The following ZNF423 variants were observed in gnomAD, a reference collection of about 807,000 sequenced individuals.
The protein encoded by ZNF423 is zinc finger protein 423.
ZNF423 carries 12 observed loss-of-function variants against 95.8 expected under a neutral mutation model. The ratio of observed to expected loss-of-function variants is 0.13; its 90% CI spans 0.08 to 0.20. The LOEUF (loss-of-function observed/expected upper bound fraction) is 0.20. ZNF423 is among the 10% of genes least tolerant of loss of function. ZNF423 has a pLI of 1.00. For missense variants in ZNF423, 1,316 were observed against 1,737.1 expected, an observed-to-expected ratio of 0.76 and a Z score of 4.31; for synonymous variants, 749 against 711.9, an observed-to-expected ratio of 1.05 and a Z score of -0.83.
chr16:49,518,470 G>A (rs751048823), intron 7 of ZNF423: 59 of 434,268 alleles, frequency 1.4e-4, no homozygotes, highest in Non-Finnish European at 2.2e-4. Flanking sequence ...ATAACTGTGC[G>A]CACTGTCTGT....
chr16:49,750,494 A>C (rs1180937113), intron 2 of ZNF423, among the ~76,000 whole-genome samples: 1 of 152,196 alleles, frequency 6.6e-6, no homozygotes, highest in Non-Finnish European at 1.5e-5. Context: ...AAGACGTGTC[A>C]GCCAGACACA....
At chr16:49,508,166 C>T (rs557364726) in intron 7 of ZNF423, among the ~76,000 whole-genome samples, 27 of 151,976 alleles carry the variant, frequency 1.8e-4, no homozygotes, top group Admixed American at 2.6e-4. Context: ...AGAACAATGC[C>T]GGGCACTCAA....
At chr16:49,692,844 C>T (rs1417333049) in intron 3 of ZNF423, among the ~76,000 whole-genome samples, 1 of 152,220 alleles carries the variant, frequency 6.6e-6, no homozygotes, top group Non-Finnish European at 1.5e-5. Context: ...GAAGAATAAG[C>T]AAAGATACCT....
rs113368908 is a variant in ZNF423 at position 49,698,006 on chromosome 16, C to CGT, written c.301+32763_301+32764dup. On this transcript the variant is annotated intron_variant, in intron 3 of 7. Transcript: ENST00000563137. ...TTCCCCACAGCAGCATCTGGGGGTGCGTGTGTGTGTGTGTGCAGGGACCAG... is the reference window on the plus strand; with the variant it reads ...TTCCCCACAGCAGCATCTGGGGGTGCGTGTGTGTGTGTGTGTGCAGGGACCAG... Among the ~76,000 whole-genome samples, 1,307 of 151,546 alleles carry CGT rather than the reference C, an allele frequency of 8.6e-3. 16 individuals carry two copies. Among genetic ancestry groups the CGT allele is most frequent in the Middle Eastern group, 0.041 (12 of 294 alleles).
chr16:49,721,313 C>T (rs528197387), intron 3 of ZNF423, among the ~76,000 whole-genome samples: 3 of 152,284 alleles, frequency 2.0e-5, no homozygotes, highest in East Asian at 1.9e-4. Context: ...TTTCCCTTAA[C>T]GGGAATGAAT....
intron 5 of ZNF423, among the ~76,000 whole-genome samples, chr16:49,564,108 T>G (rs561978359): frequency 1.6e-4 from 24 of 152,332 alleles, no homozygotes; most frequent in African/African-American, 5.8e-4. Context: ...GCCTGCCCAA[T>G]GGCCTGCCCG....
chr16:49,514,613 C>T (rs1042750436), intron 7 of ZNF423, among the ~76,000 whole-genome samples: 5 of 152,248 alleles, frequency 3.3e-5, no homozygotes, highest in South Asian at 2.1e-4. Context: ...GAAAGGGCTC[C>T]GGGTTGCTTG....
chr16:49,709,675 G>A (rs941154571), intron 3 of ZNF423, among the ~76,000 whole-genome samples: 1 of 152,178 alleles, frequency 6.6e-6, no homozygotes, highest in African/African-American at 2.4e-5. Context: ...TTTGGCGGGT[G>A]ATTAGGTCAT....
Position 49,635,776 on chromosome 16 carries a change from T to C in ZNF423, c.3400A>G (p.Ser1134Gly). 3.1e-6 allele frequency: 5 copies of C among 1,612,662 alleles called. No individual in the cohort carries two copies. Among genetic ancestry groups the C allele is most frequent in the Non-Finnish European group, 4.2e-6 (5 of 1,179,818 alleles). The part of the protein sequence containing the change: ...PCAGLRCPEC[S>G]VKFESAEDLE... ...TCTTCGGCACTCTCAAACTTGACAC[T>C]GCACTCGGGGCAACGGAGGCCGGCA... is the stretch of plus-strand genomic sequence containing the variant. The change falls in exon 4 of 8, where the codon AGT (serine) becomes GGT (glycine). Residue 1134 changes from serine (S) to glycine (G), a missense_variant. By Grantham distance (56) the Ser-to-Gly change is moderately conservative. Around this residue, in one of 6 missense-constraint regions of ZNF423, gnomAD observed 620 missense variants for 775.6 expected, o/e 0.80. Coordinates refer to ENST00000563137, the MANE Select transcript of ZNF423 (RefSeq NM_001379286.1). The surrounding 1 kb of genome is among the most constrained non-coding windows in gnomAD (Gnocchi z 4.8).
chr16:49,638,068 C>G lies in ZNF423; in HGVS notation c.1108G>C (p.Gly370Arg), dbSNP rs1350286724. The change falls in exon 4 of 8, where the codon GGC becomes CGC. Residue 370 changes from glycine (G) to arginine (R), a missense_variant. Transcript: ENST00000563137. The surrounding 1 kb of genome is among the most constrained non-coding windows in gnomAD (Gnocchi z 5.6). ...GCGCTGCTCATGGAGGCCACGCTGC[C>G]CAGTACAGGGTCGGGACTGACACTG... ...NHSVSPDPVL[G>R]SVASMSSATP... 1 of 1,613,836 alleles carries G rather than the reference C, an allele frequency of 6.2e-7. No individual in the cohort carries two copies. The highest frequency in any genetic ancestry group is 8.5e-7 in the Non-Finnish European group (1 of 1,180,002).
intron 3 of ZNF423, among the ~76,000 whole-genome samples, chr16:49,667,266 A>C (rs779607905): frequency 6.6e-6 from 1 of 152,174 alleles, no homozygotes; most frequent in Non-Finnish European, 1.5e-5. Context: ...AGTGTTTGCC[A>C]CTCTGGCAAA....
intron 3 of ZNF423, 143 bp from the exon 4 acceptor site, chr16:49,639,017 C>A (rs1972875000): frequency 3.5e-6 from 5 of 1,435,836 alleles, no homozygotes; most frequent in Non-Finnish European, 4.6e-6. Flanking sequence ...GGGGCAGGGG[C>A]CGGAAGCAAG....
At chr16:49,550,314 T>C (rs1024339117) in intron 5 of ZNF423, among the ~76,000 whole-genome samples, 1 of 152,362 alleles carries the variant, frequency 6.6e-6, no homozygotes. Flanking sequence ...CCCTTCCCTT[T>C]TCCCTTTTCG....
chr16:49,795,684 G>C (rs1184550891), intron 1 of ZNF423, among the ~76,000 whole-genome samples: 1 of 152,206 alleles, frequency 6.6e-6, no homozygotes, highest in Non-Finnish European at 1.5e-5. Flanking sequence ...CAGGGATGGA[G>C]GGGGCTACAC....
intron 7 of ZNF423, among the ~76,000 whole-genome samples, chr16:49,494,237 G>A (rs1166759869): frequency 2.6e-5 from 4 of 152,234 alleles, no homozygotes; most frequent in Non-Finnish European, 4.4e-5. Context: ...GCAGTAGCAG[G>A]GGGCTCTGAG....
chr16:49,585,843 C>T (rs1970814072), intron 5 of ZNF423, among the ~76,000 whole-genome samples: 1 of 152,184 alleles, frequency 6.6e-6, no homozygotes, highest in Non-Finnish European at 1.5e-5. Flanking sequence ...TTCAGGCAAA[C>T]AGTCACCAAA....
chr16:49,787,095 T>C (rs928946673), intron 2 of ZNF423, among the ~76,000 whole-genome samples: 8 of 152,148 alleles, frequency 5.3e-5, no homozygotes, highest in African/African-American at 1.7e-4. Context: ...GTGCCTGGCA[T>C]GCACTAAGTA....
chr16:49,772,405 AATC>A (rs2034051512), intron 2 of ZNF423, among the ~76,000 whole-genome samples: 1 of 152,210 alleles, frequency 6.6e-6, no homozygotes, highest in Non-Finnish European at 1.5e-5. Context: ...CACACTCTGA[AATC>A]ATGTTTCACC....
At chr16:49,681,683 G>A (rs1185130196) in intron 3 of ZNF423, among the ~76,000 whole-genome samples, 1 of 152,196 alleles carries the variant, frequency 6.6e-6, no homozygotes, top group Non-Finnish European at 1.5e-5. Flanking sequence ...CCACAGCCTC[G>A]GCCACTCCCC....
Sources: gnomAD v4.1 joint callset for allele counts (sites outside exome capture counted in the v4.1 genomes callset) on GRCh38, gnomAD v4.1.1 for gene constraint, gnomAD v4.1.1 regional missense constraint, Gnocchi (gnomAD v3.1) non-coding constraint, MANE v1.5 for transcripts, NCBI Gene and HGNC (gene_info 2026-07-23, HGNC 2026-07-21) for gene names.